Variants in CTIF observed in about 807,000 individuals in gnomAD.
The protein encoded by CTIF is cap binding complex dependent translation initiation factor, also known as CBP80/20-dependent translation initiation factor.
CTIF carries 21 observed loss-of-function variants against 66.0 expected under a neutral mutation model. The ratio of observed to expected loss-of-function variants is 0.32; its 90% CI spans 0.23 to 0.46. CTIF has a LOEUF of 0.46. CTIF is among the 20% of genes least tolerant of loss of function. The pLI is 1.00. For missense variants in CTIF, 739 were observed against 812.7 expected, an observed-to-expected ratio of 0.91 and a Z score of 1.10; for synonymous variants, 345 against 326.4, an observed-to-expected ratio of 1.06 and a Z score of -0.62.
At chr18:48,683,865 C>A (rs2091789576) in intron 6 of CTIF, among the ~76,000 whole-genome samples, 1 of 152,168 alleles carries the variant, frequency 6.6e-6, no homozygotes, top group Non-Finnish European at 1.5e-5. Context: ...CTGTGGCCAC[C>A]AGCCCTGAAA....
At chr18:48,631,227 G>A (rs1341834287) in intron 2 of CTIF, among the ~76,000 whole-genome samples, 2 of 152,164 alleles carry the variant, frequency 1.3e-5, no homozygotes, top group African/African-American at 4.8e-5. Flanking sequence ...CACTTGGGAG[G>A]CCAAGGCAGG....
At chr18:48,593,386 CTT>C (rs1354032234) in intron 1 of CTIF, among the ~76,000 whole-genome samples, 2 of 141,088 alleles carry the variant, frequency 1.4e-5, no homozygotes, top group Non-Finnish European at 3.1e-5. Context: ...TTTTTTTTTT[CTT>C]TTTTTTTTTT....
At chr18:48,645,290 A>AAAAAAAAAT (rs1371976531) in intron 3 of CTIF, among the ~76,000 whole-genome samples, 3 of 151,640 alleles carry the variant, frequency 2.0e-5, no homozygotes, top group Admixed American at 6.6e-5. Flanking sequence ...AAAAAAAAAA[A>AAAAAAAAAT]AAATCCCAAT....
At chr18:48,669,042 C>T (rs1000659400) in intron 5 of CTIF, among the ~76,000 whole-genome samples, 16 of 152,164 alleles carry the variant, frequency 1.1e-4, no homozygotes, top group Admixed American at 1.0e-3. Context: ...GTTTCTCCTC[C>T]TCTGGGTTCC....
intron 9 of CTIF, among the ~76,000 whole-genome samples, chr18:48,774,344 GC>G (rs1910465895): frequency 6.6e-6 from 1 of 152,118 alleles, no homozygotes; most frequent in Admixed American, 6.5e-5. Flanking sequence ...GAAACCCAGA[GC>G]CTAGAATAAG....
intron 9 of CTIF, among the ~76,000 whole-genome samples, chr18:48,804,843 A>G (rs1017401490): frequency 1.3e-5 from 2 of 152,080 alleles, no homozygotes; most frequent in African/African-American, 4.8e-5. Flanking sequence ...ACCCAGCCTC[A>G]GTGCCCACTT....
chr18:48,718,147 C>T (rs975762366), intron 7 of CTIF, among the ~76,000 whole-genome samples: 2 of 152,208 alleles, frequency 1.3e-5, no homozygotes, highest in African/African-American at 4.8e-5. Context: ...TCTGTGTGAA[C>T]CTGTGCTAGC....
chr18:48,541,933 CA>C (rs2088630831), intron 1 of CTIF, among the ~76,000 whole-genome samples: 1 of 151,866 alleles, frequency 6.6e-6, no homozygotes, highest in Non-Finnish European at 1.5e-5. Flanking sequence ...CACTGAGGCT[CA>C]AAAATGTGGC....
chr18:48,733,966 G>A (rs1390692757), intron 7 of CTIF, among the ~76,000 whole-genome samples: 2 of 152,254 alleles, frequency 1.3e-5, no homozygotes, highest in Non-Finnish European at 2.9e-5. Context: ...CAAGGAGGCG[G>A]GTACAATTTG....
chr18:48,751,491 G>A (rs779145131), intron 7 of CTIF, among the ~76,000 whole-genome samples: 3 of 152,158 alleles, frequency 2.0e-5, no homozygotes, highest in South Asian at 2.1e-4. Flanking sequence ...TGGAGTCATC[G>A]CTACCTCCCC....
chr18:48,710,677 A>C (rs1441836033), intron 6 of CTIF, among the ~76,000 whole-genome samples: 1 of 152,160 alleles, frequency 6.6e-6, no homozygotes, highest in Non-Finnish European at 1.5e-5. Flanking sequence ...TCTCTCTCCA[A>C]CCTTGATGTA....
intron 3 of CTIF, among the ~76,000 whole-genome samples, chr18:48,644,214 T>C (rs2090984858): frequency 6.6e-6 from 1 of 152,198 alleles, no homozygotes; most frequent in Non-Finnish European, 1.5e-5. Flanking sequence ...CTTTCACCTA[T>C]TGATCGGCTC....
intron 9 of CTIF, among the ~76,000 whole-genome samples, chr18:48,805,074 G>A (rs1038849188): frequency 6.6e-6 from 1 of 152,224 alleles, no homozygotes; most frequent in Non-Finnish European, 1.5e-5. Flanking sequence ...GAAGTCCCAG[G>A]GAAGGACAGA....
At position 48,844,972 on chromosome 18, in the gene CTIF, C is replaced by T. The variant is rs558569080; in HGVS notation, c.1528-12616C>T. On this transcript the variant is annotated intron_variant, in intron 10 of 11. Coordinates refer to ENST00000256413, the MANE Select transcript of CTIF (RefSeq NM_014772.3). ...ATCCTCTTCTCCTGCACTCTGGCAC[C>T]TCACCTCTACCTTTAAACTGGCTCA... is the stretch of plus-strand genomic sequence containing the variant. 3.3e-5 allele frequency among the ~76,000 whole-genome samples: 5 copies of T among 152,266 alleles called. No homozygotes were observed. In the South Asian group the frequency reaches 8.3e-4, roughly 25 times the overall value.
intron 9 of CTIF, among the ~76,000 whole-genome samples, chr18:48,795,650 A>T (rs932826829): frequency 2.0e-5 from 3 of 152,202 alleles, no homozygotes; most frequent in Non-Finnish European, 4.4e-5. Context: ...TAACCTGGAA[A>T]ATAGAACTAG....
At chr18:48,602,000 T>C (rs1175459755) in intron 1 of CTIF, among the ~76,000 whole-genome samples, 1 of 152,240 alleles carries the variant, frequency 6.6e-6, no homozygotes, top group African/African-American at 2.4e-5. Context: ...TTTCACATCT[T>C]AATGTTTCTT....
At chr18:48,751,873 G>A (rs1488881454) in intron 7 of CTIF, among the ~76,000 whole-genome samples, 3 of 152,194 alleles carry the variant, frequency 2.0e-5, no homozygotes, top group Non-Finnish European at 4.4e-5. Context: ...TAACCTCTGG[G>A]CAGAACAGAG....
At chr18:48,635,420 C>T (rs777130891) in intron 2 of CTIF, among the ~76,000 whole-genome samples, 6 of 148,550 alleles carry the variant, frequency 4.0e-5, no homozygotes, top group Non-Finnish European at 8.9e-5. Context: ...AATTCCTGGG[C>T]TTAAGCAATC....
At chr18:48,818,878 G>GAAA (rs2068424915) in intron 10 of CTIF, among the ~76,000 whole-genome samples, 1 of 152,156 alleles carries the variant, frequency 6.6e-6, no homozygotes, top group Admixed American at 6.5e-5. Flanking sequence ...GGTGAGGACA[G>GAAA]GAGTGTGGAC....
Sources: gnomAD v4.1 joint callset for allele counts (sites outside exome capture counted in the v4.1 genomes callset) on GRCh38, gnomAD v4.1.1 for gene constraint, MANE v1.5 for transcripts, NCBI Gene and HGNC (gene_info 2026-07-23, HGNC 2026-07-21) for gene names.